ROR1: variants seen among roughly 807,000 people sequenced by gnomAD.
ROR1 encodes the protein inactive tyrosine-protein kinase transmembrane receptor ROR1.
ROR1 carries 19 observed loss-of-function variants against 78.8 expected under a neutral mutation model. That is an observed-to-expected ratio of 0.24 (90% confidence interval 0.17 to 0.35). The LOEUF (loss-of-function observed/expected upper bound fraction) is 0.35, where lower values mean the gene tolerates loss of function less well. Ranked by LOEUF, ROR1 falls within the 10% of genes least tolerant of loss-of-function variation. The pLI is 1.00. For missense variants in ROR1, 917 were observed against 1,177.8 expected, an observed-to-expected ratio of 0.78 and a Z score of 3.24; for synonymous variants, 386 against 433.6, an observed-to-expected ratio of 0.89 and a Z score of 1.36.
chr1:64,033,675 G>T (rs1247542220), intron 2 of ROR1, among the ~76,000 whole-genome samples: 2 of 152,122 alleles, frequency 1.3e-5, no homozygotes, highest in African/African-American at 4.8e-5. Context: ...CCCTTATATA[G>T]AACTTCACTG....
chr1:63,782,792 G>C (rs563233968), intron 1 of ROR1, among the ~76,000 whole-genome samples: 8 of 152,264 alleles, frequency 5.3e-5, no homozygotes, highest in African/African-American at 1.7e-4. Context: ...AGAGAATCTA[G>C]AAGAATGAAG....
chr1:64,130,002 A>G (rs980332660), intron 4 of ROR1, among the ~76,000 whole-genome samples: 1 of 152,180 alleles, frequency 6.6e-6, no homozygotes, highest in Non-Finnish European at 1.5e-5. Flanking sequence ...TAGCCAAGGG[A>G]AAAAAACTTC....
At chr1:64,150,643 A>G (rs989234477) in intron 7 of ROR1, among the ~76,000 whole-genome samples, 6 of 152,204 alleles carry the variant, frequency 3.9e-5, no homozygotes, top group African/African-American at 1.4e-4. Flanking sequence ...GAGGGGGTAA[A>G]GGAGGAAGAA....
At chr1:63,864,835 T>C (rs1462018032) in intron 1 of ROR1, among the ~76,000 whole-genome samples, 1 of 141,190 alleles carries the variant, frequency 7.1e-6, no homozygotes, top group Non-Finnish European at 1.5e-5. Context: ...ACCTCAAAAT[T>C]TCAAGGTTTT....
chr1:64,149,077 T>G (rs1056769643), intron 7 of ROR1, among the ~76,000 whole-genome samples: 1 of 152,224 alleles, frequency 6.6e-6, no homozygotes, highest in Non-Finnish European at 1.5e-5. Flanking sequence ...TCTGCTCTTA[T>G]GTGCGTGGCA....
intron 1 of ROR1, among the ~76,000 whole-genome samples, chr1:63,839,769 A>T (rs641439): frequency 2.0e-5 from 3 of 151,424 alleles, no homozygotes; most frequent in African/African-American, 7.3e-5. Flanking sequence ...ACATAATACT[A>T]TTTTTTCCAA....
chr1:63,932,571 C>T (rs573881272), intron 1 of ROR1, among the ~76,000 whole-genome samples: 1 of 152,260 alleles, frequency 6.6e-6, no homozygotes, highest in East Asian at 1.9e-4. Context: ...AAGAATGATG[C>T]CCCTGATGGT....
Position 64,142,572 on chromosome 1 carries a change from G to A in ROR1, c.1096G>A (p.Gly366Arg). The change falls in exon 7 of 9, where the codon GGG (glycine) becomes AGG (arginine). Residue 366 changes from glycine (G) to arginine (R), a missense_variant. Transcript: ENST00000371079. The part of the protein sequence containing the change: ...NGGHSYCRNP[G>R]NQKEAPWCFT... ...AGGCCATTCCTACTGCCGCAACCCA[G>A]GGAATCAAAAGGAAGCTCCCTGGTG... The A allele has an allele frequency of 6.2e-7, 1 of 1,614,128 alleles. No individual in the cohort carries two copies. Among genetic ancestry groups the A allele is most frequent in the African/African-American group, 1.3e-5 (1 of 75,032 alleles).
chr1:64,168,656 A>G (rs1432025504), intron 8 of ROR1, among the ~76,000 whole-genome samples: 5 of 152,250 alleles, frequency 3.3e-5, no homozygotes, highest in Non-Finnish European at 7.3e-5. Flanking sequence ...AGCTATGACT[A>G]CAAGTAGTCA....
chr1:63,787,476 T>TTCCTG lies in ROR1; in HGVS notation c.91+12968_91+12969insTCCTG, dbSNP rs1644696544. On this transcript the variant is annotated intron_variant, in intron 1 of 8. Transcript: ENST00000371079. ...TTCCTTCCTTCCTTCCTTCCTTCCT[T>TTCCTG]CCTTCCTGCCTTCCTGCCTTCCTGA... Among the ~76,000 whole-genome samples the TTCCTG allele has an allele frequency of 4.8e-3, 637 of 132,546 alleles. 10 individuals carry two copies. Among genetic ancestry groups the TTCCTG allele is most frequent in the African/African-American group, 0.017 (571 of 33,010 alleles). The allele number at this position is 132,546 out of a possible 152,430, so 87.0% of individuals were successfully genotyped here. A position where few individuals can be genotyped will look rare whatever the true frequency, so the allele number is the denominator to read the frequency against.
intron 8 of ROR1, among the ~76,000 whole-genome samples, chr1:64,170,179 C>T (rs1650196497): frequency 6.6e-6 from 1 of 152,234 alleles, no homozygotes; most frequent in Non-Finnish European, 1.5e-5. Context: ...TTCTACACTG[C>T]CCTAGCAGAG....
intron 1 of ROR1, among the ~76,000 whole-genome samples, chr1:63,846,691 C>T (rs532397240): frequency 1.2e-4 from 18 of 152,236 alleles, no homozygotes; most frequent in Middle Eastern, 3.4e-3. Flanking sequence ...TCTGCAACTG[C>T]GCGGCTTGAT....
intron 1 of ROR1, among the ~76,000 whole-genome samples, chr1:63,888,693 G>T (rs984314701): frequency 6.6e-6 from 1 of 151,920 alleles, no homozygotes; most frequent in Non-Finnish European, 1.5e-5. Flanking sequence ...TGATGGATCT[G>T]TAAATATTAT....
intron 2 of ROR1, among the ~76,000 whole-genome samples, chr1:64,041,522 C>T (rs924590006): frequency 6.6e-6 from 1 of 152,192 alleles, no homozygotes; most frequent in Non-Finnish European, 1.5e-5. Context: ...GCTAACTGGG[C>T]TTCCTAAGGA....
chr1:64,162,932 G>C (rs187462069), intron 8 of ROR1, among the ~76,000 whole-genome samples: 85 of 152,184 alleles, frequency 5.6e-4, no homozygotes, highest in Admixed American at 1.2e-3. Flanking sequence ...ACAGCATTCT[G>C]TAAGCTTGCT....
chr1:63,800,875 C>T (rs2100254292), intron 1 of ROR1, among the ~76,000 whole-genome samples: 1 of 152,136 alleles, frequency 6.6e-6, no homozygotes, highest in East Asian at 1.9e-4. Flanking sequence ...CCTTGAATCC[C>T]AGAGCTGCCA....
chr1:63,918,331 G>A (rs1056916740), intron 1 of ROR1, among the ~76,000 whole-genome samples: 5 of 152,136 alleles, frequency 3.3e-5, no homozygotes, highest in South Asian at 4.1e-4. Context: ...TCACAACAAA[G>A]CAATGAAGTA....
At chr1:64,015,229 G>T (rs146459209) in intron 2 of ROR1, among the ~76,000 whole-genome samples, 1 of 152,050 alleles carries the variant, frequency 6.6e-6, no homozygotes, top group Non-Finnish European at 1.5e-5. Flanking sequence ...TTCCTCCCAC[G>T]TCACATAGGA....
intron 1 of ROR1, among the ~76,000 whole-genome samples, chr1:63,906,801 T>G (rs1335225937): frequency 2.0e-5 from 3 of 152,244 alleles, no homozygotes; most frequent in Non-Finnish European, 4.4e-5. Flanking sequence ...TGCTCACCAC[T>G]GAGGCATATG....
Sources: allele counts gnomAD v4.1 joint callset (sites outside exome capture counted in the v4.1 genomes callset), GRCh38; gene constraint gnomAD v4.1.1; transcripts MANE v1.5; gene names NCBI Gene and HGNC (gene_info 2026-07-23, HGNC 2026-07-21).